The following DNMBP variants were observed in gnomAD, a reference collection of about 807,000 sequenced individuals.
DNMBP encodes the protein dynamin binding protein.
DNMBP carries 87 observed loss-of-function variants against 150.0 expected under a neutral mutation model. The ratio of observed to expected loss-of-function variants is 0.58; its 90% CI spans 0.49 to 0.69. DNMBP has a LOEUF of 0.69. Ranked by LOEUF, DNMBP falls within the 30% of genes least tolerant of loss-of-function variation. The pLI, the probability that DNMBP is intolerant of heterozygous loss-of-function variation, is 0.00. For missense variants in DNMBP, 1,774 were observed against 1,949.0 expected, an observed-to-expected ratio of 0.91 and a Z score of 1.69; for synonymous variants, 711 against 750.4, an observed-to-expected ratio of 0.95 and a Z score of 0.86.
intron 4 of DNMBP, among the ~76,000 whole-genome samples, chr10:99,946,020 G>A (rs765092428): frequency 5.3e-5 from 8 of 152,140 alleles, no homozygotes; most frequent in Non-Finnish European, 8.8e-5. Flanking sequence ...GCAGTGGCAC[G>A]ATCTTGGCTC....
intron 12 of DNMBP, among the ~76,000 whole-genome samples, chr10:99,887,524 C>T (rs1300491031): frequency 6.6e-6 from 1 of 151,974 alleles, no homozygotes; most frequent in Non-Finnish European, 1.5e-5. Flanking sequence ...GAGACTCCAT[C>T]TCAAAACAAA....
In DNMBP at chr10:99,898,095, T is replaced by C; in HGVS notation, c.2911A>G (p.Lys971Glu). 4 of 1,613,960 alleles carry C rather than the reference T, an allele frequency of 2.5e-6. No individual in the cohort carries two copies. Among genetic ancestry groups the C allele is most frequent in the Non-Finnish European group, 3.4e-6 (4 of 1,179,864 alleles). ...ATTATGCTGTTCTTACCCAGGTCCT[T>C]TCGCCGTTTATATTCATTAATGTTA... Reference protein sequence around the residue: ...NVNINEYKRRKDLVLKYRKGD... With the variant: ...NVNINEYKRREDLVLKYRKGD... Residue 971 changes from lysine (K) to glutamate (E), a missense_variant, in exon 9 of 17, where the codon AAG becomes GAG. Physicochemically the swap from Lys to Glu is moderately conservative, Grantham distance 56. This residue lies in a region of DNMBP where 1,430 missense variants were observed against 1,492.5 expected (regional missense o/e 0.96). Coordinates refer to ENST00000324109, the MANE Select transcript of DNMBP (RefSeq NM_015221.4).
intron 6 of DNMBP, among the ~76,000 whole-genome samples, chr10:99,904,576 G>A (rs575456940): frequency 6.6e-5 from 10 of 152,110 alleles, no homozygotes; most frequent in African/African-American, 1.7e-4. Context: ...CTGGCCTTCC[G>A]TTAGAGCCAC....
At chr10:100,002,061 A>C (rs914915668) in intron 1 of DNMBP, among the ~76,000 whole-genome samples, 2 of 152,206 alleles carry the variant, frequency 1.3e-5, no homozygotes, top group Non-Finnish European at 2.9e-5. Context: ...AGAGCCAATC[A>C]AAGCAAAATG....
At chr10:99,950,276 A>AT (rs1269252409) in intron 4 of DNMBP, among the ~76,000 whole-genome samples, 1 of 152,192 alleles carries the variant, frequency 6.6e-6, no homozygotes, top group East Asian at 1.9e-4. Flanking sequence ...ATGTGGAACG[A>AT]TAAGTCCATT....
At chr10:99,953,139 T>C (rs1288000836) in intron 4 of DNMBP, among the ~76,000 whole-genome samples, 1 of 152,198 alleles carries the variant, frequency 6.6e-6, no homozygotes, top group Non-Finnish European at 1.5e-5. Flanking sequence ...CATTCCCAAA[T>C]TAAGGGAAAT....
chr10:99,907,152 T>C (rs996825320), intron 6 of DNMBP, among the ~76,000 whole-genome samples: 1 of 151,384 alleles, frequency 6.6e-6, no homozygotes, highest in Admixed American at 6.6e-5. Context: ...CAAAACTCCA[T>C]CTCTACAAAA....
chr10:99,918,932 A>G (rs2039994528), intron 4 of DNMBP, among the ~76,000 whole-genome samples: 1 of 152,244 alleles, frequency 6.6e-6, no homozygotes. Flanking sequence ...CATAAGTAAA[A>G]TAATCGACAC....
chr10:99,977,169 T>C (rs1305289483), intron 1 of DNMBP, among the ~76,000 whole-genome samples: 1 of 152,176 alleles, frequency 6.6e-6, no homozygotes, highest in African/African-American at 2.4e-5. Flanking sequence ...GCATAATCAC[T>C]GAGGAGCACA....
At chr10:99,958,630 G>A (rs760856912) in intron 3 of DNMBP, among the ~76,000 whole-genome samples, 1 of 152,182 alleles carries the variant, frequency 6.6e-6, no homozygotes, top group Non-Finnish European at 1.5e-5. Context: ...CTACTACCAT[G>A]GGCTTGGCAG....
intron 3 of DNMBP, among the ~76,000 whole-genome samples, chr10:99,961,577 T>C (rs1282633325): frequency 6.6e-6 from 1 of 151,128 alleles, no homozygotes; most frequent in African/African-American, 2.4e-5. Flanking sequence ...CTTCTACTAA[T>C]TGCTCTATGC....
At chr10:99,988,685 G>A (rs1263644099) in intron 1 of DNMBP, among the ~76,000 whole-genome samples, 2 of 151,260 alleles carry the variant, frequency 1.3e-5, no homozygotes, top group South Asian at 2.1e-4. Context: ...TATTTGAGAC[G>A]GAGTCTTGCT....
intron 8 of DNMBP, 138 bp from the exon 9 acceptor site, chr10:99,898,423 T>C: frequency 2.7e-6 from 2 of 746,740 alleles, no homozygotes; most frequent in Non-Finnish European, 4.6e-6. Flanking sequence ...GATTTGTTCC[T>C]AAATATTGCT....
intron 3 of DNMBP, among the ~76,000 whole-genome samples, chr10:99,964,474 C>G (rs12769742): frequency 6.6e-6 from 1 of 150,528 alleles, no homozygotes; most frequent in Non-Finnish European, 1.5e-5. Context: ...CTCCACCCCC[C>G]ACCTTTCTTT....
In DNMBP at chr10:99,876,137, G is replaced by C. The variant is rs1002406343; in HGVS notation, c.*1014C>G. On this transcript the variant is annotated 3_prime_UTR_variant, in exon 17 of 17. Transcript: ENST00000324109. The stretch of plus-strand genomic sequence containing the variant: ...TCCAGTCTTCCATTAGGCTCAACTG[G>C]TTTCAGCTCAAAGCAGAACTAATAC... 6.6e-6 allele frequency: 1 copy of C among 152,180 alleles called. No homozygotes were observed. Among genetic ancestry groups the C allele is most frequent in the African/African-American group, 2.4e-5 (1 of 41,422 alleles). The allele number at this position is 152,180 out of a possible 1,614,324, so 9.4% of individuals were successfully genotyped here.
In DNMBP at chr10:99,876,673, T is replaced by C. The variant is rs74155711; in HGVS notation, c.*478A>G. ...TAGGTTTGGTTCAATCCCGACAAAC[T>C]CCCAGCCATGTGCAAGCACTGCCTC... On this transcript the variant is annotated 3_prime_UTR_variant, in exon 17 of 17. Transcript: ENST00000324109. 2,325 of 152,872 alleles carry C rather than the reference T, an allele frequency of 0.015. 56 individuals carry two copies. Among genetic ancestry groups the C allele is most frequent in the African/African-American group, 0.053 (2,182 of 41,554 alleles). The allele number at this position is 152,872 out of a possible 1,614,324, so 9.5% of individuals were successfully genotyped here.
At position 99,922,972 on chromosome 10, in the gene DNMBP, T is replaced by C. The variant is rs115859977; in HGVS notation, c.2261-13826A>G. On this transcript the variant is annotated intron_variant, in intron 4 of 16. Transcript: ENST00000324109. ...TTTGAGGATCTTGTTGCATACCAAATAGCTTCAGACATTGACATCTCCTGT... is the reference window on the plus strand; with the variant it reads ...TTTGAGGATCTTGTTGCATACCAAACAGCTTCAGACATTGACATCTCCTGT... 4.3e-3 allele frequency among the ~76,000 whole-genome samples: 655 copies of C among 152,324 alleles called. 7 individuals carry two copies. The highest frequency in any genetic ancestry group is 0.015 in the African/African-American group (616 of 41,594).
chr10:99,923,165 C>A (rs931150122), intron 4 of DNMBP, among the ~76,000 whole-genome samples: 2 of 151,792 alleles, frequency 1.3e-5, no homozygotes, highest in Non-Finnish European at 1.5e-5. Flanking sequence ...CCGAGGTGGG[C>A]GGATCAGGAG....
At chr10:99,941,227 T>TTC (rs1371192125) in intron 4 of DNMBP, among the ~76,000 whole-genome samples, 8 of 152,122 alleles carry the variant, frequency 5.3e-5, no homozygotes, top group Non-Finnish European at 1.0e-4. Context: ...TTGGCTTTCC[T>TTC]TCTCCTTGGC....
Sources: gnomAD v4.1 joint callset for allele counts (sites outside exome capture counted in the v4.1 genomes callset) on GRCh38, gnomAD v4.1.1 for gene constraint, gnomAD v4.1.1 regional missense constraint, MANE v1.5 for transcripts, NCBI Gene and HGNC (gene_info 2026-07-23, HGNC 2026-07-21) for gene names.